The following MTMR8 variants were observed in gnomAD, a reference collection of about 807,000 sequenced individuals.
The protein encoded by MTMR8 is phosphatidylinositol-3,5-bisphosphate 3-phosphatase MTMR8.
A neutral mutation model predicts 39.3 loss-of-function variants in MTMR8; 65 were observed. That is an observed-to-expected ratio of 1.65 (90% CI 1.35 to 2.03). MTMR8 has a LOEUF of 2.03. Among genes scored for constraint, MTMR8 ranks in the 30% most tolerant of loss-of-function variants. MTMR8 has a pLI of 0.00. For synonymous variants in MTMR8, 245 were observed against 185.2 expected (o/e 1.32, Z -2.62); for missense variants, 777 against 538.9 (o/e 1.44, Z -4.37).
At chrX:64,357,327 A>G (rs1260964992) in intron 2 of MTMR8, among the ~76,000 whole-genome samples, 1 of 111,445 alleles carries the variant, frequency 9.0e-6, no homozygotes, top group African/African-American at 3.3e-5. Context: ...CCAGTCCCTA[A>G]TTTCTTTGGA....
At chrX:64,294,271 C>T (rs184003922) in intron 12 of MTMR8, among the ~76,000 whole-genome samples, 96 of 111,598 alleles carry the variant, frequency 8.6e-4, no homozygotes, top group African/African-American at 3.0e-3. Context: ...ATAGACTTGC[C>T]TAACATGCTC....
intron 1 of MTMR8, chrX:64,360,346 G>A: frequency 3.4e-6 from 1 of 296,498 alleles, no homozygotes; most frequent in Admixed American, 3.8e-5. Context: ...AAGTGCACAT[G>A]GATATTTTAA....
intron 1 of MTMR8, among the ~76,000 whole-genome samples, chrX:64,374,117 T>C (rs1924199050): frequency 8.9e-6 from 1 of 111,849 alleles, no homozygotes; most frequent in African/African-American, 3.3e-5. Context: ...ACATTATAAA[T>C]TATAAACTCC....
intron 1 of MTMR8, among the ~76,000 whole-genome samples, chrX:64,384,353 G>A (rs748812216): frequency 2.7e-5 from 3 of 111,298 alleles, no homozygotes; most frequent in Non-Finnish European, 5.7e-5. Context: ...CCATTCTGTG[G>A]TCTAGAGGGT....
chrX:64,359,048 A>G (rs1184506224), intron 2 of MTMR8, among the ~76,000 whole-genome samples: 2 of 111,183 alleles, frequency 1.8e-5, no homozygotes, highest in African/African-American at 6.5e-5. Context: ...CCCATACGCT[A>G]CAGATGCTGC....
Position 64,353,960 on chromosome X carries a change from C to T in MTMR8, c.468+817G>A, listed in dbSNP as rs762187284. 5.4e-5 allele frequency among the ~76,000 whole-genome samples: 6 copies of T among 110,994 alleles called. No individual in the cohort carries two copies. The South Asian group carries it at 2.3e-3, about 42-fold the overall frequency. On this transcript the variant is annotated intron_variant, in intron 4 of 13. Transcript: ENST00000374852. The stretch of plus-strand genomic sequence containing the variant: ...AGAAAAGAAAACTGTGGTACATATG[C>T]ACAATAGAATATAACTCAGTCACAA...
intron 1 of MTMR8, among the ~76,000 whole-genome samples, chrX:64,390,660 CT>C (rs376524501): frequency 1.7e-4 from 18 of 109,001 alleles, no homozygotes; most frequent in Admixed American, 8.8e-4. Context: ...AAAATTCACC[CT>C]TTTTTTTTGA....
chrX:64,337,631 A>T (rs886960118), intron 8 of MTMR8, among the ~76,000 whole-genome samples: 1 of 111,840 alleles, frequency 8.9e-6, no homozygotes, highest in Non-Finnish European at 1.9e-5. Flanking sequence ...ATGCAGGGCA[A>T]AAAGAAAGAT....
At chrX:64,282,340 AAC>A (rs1403232297) in intron 12 of MTMR8, among the ~76,000 whole-genome samples, 1 of 111,297 alleles carries the variant, frequency 9.0e-6, no homozygotes, top group Non-Finnish European at 1.9e-5. Flanking sequence ...GGAGGGGAAC[AAC>A]ACACACTGAG....
intron 1 of MTMR8, among the ~76,000 whole-genome samples, chrX:64,380,372 T>C (rs1924379370): frequency 8.9e-6 from 1 of 112,803 alleles, no homozygotes; most frequent in African/African-American, 3.2e-5. Flanking sequence ...CCAGTGGTAC[T>C]ACCTGGGCTA....
chrX:64,363,470 G>A (rs941876294), intron 1 of MTMR8, among the ~76,000 whole-genome samples: 1 of 111,899 alleles, frequency 8.9e-6, no homozygotes, highest in African/African-American at 3.3e-5. Context: ...AAACATGTGA[G>A]ATGCCTGCTT....
chrX:64,300,828 A>G (rs1236427844), intron 12 of MTMR8, among the ~76,000 whole-genome samples: 1 of 105,849 alleles, frequency 9.4e-6, no homozygotes, highest in African/African-American at 3.4e-5. Flanking sequence ...TTTCTCCTTC[A>G]CTTATGAAGC....
At chrX:64,360,390 CAAAAAAA>C (rs60554048) in intron 1 of MTMR8, 2 of 190,333 alleles carry the variant, frequency 1.1e-5, no homozygotes, top group Non-Finnish European at 1.9e-5. Flanking sequence ...TCAAGCAGAC[CAAAAAAA>C]AAAAAAAAAA....
intron 12 of MTMR8, among the ~76,000 whole-genome samples, chrX:64,313,456 G>T (rs1246747908): frequency 1.8e-5 from 2 of 112,559 alleles, no homozygotes; most frequent in Non-Finnish European, 3.8e-5. Flanking sequence ...GGACTGTTTT[G>T]CTTTCTTATC....
chrX:64,334,831 G>C (rs2147222924), intron 10 of MTMR8, among the ~76,000 whole-genome samples: 1 of 111,752 alleles, frequency 8.9e-6, no homozygotes, highest in East Asian at 2.8e-4. Flanking sequence ...ATTACAGGAA[G>C]CCTTCTTTGC....
intron 1 of MTMR8, among the ~76,000 whole-genome samples, chrX:64,387,358 C>T (rs1184445801): frequency 9.0e-6 from 1 of 111,505 alleles, no homozygotes; most frequent in East Asian, 2.8e-4. Context: ...AGGGCACTAC[C>T]TACCAAACGG....
rs1002968987 is a variant in MTMR8, at chrX:64,361,994, A to G, written c.25-2467T>C. On this transcript the variant is annotated intron_variant, in intron 1 of 13. Coordinates refer to ENST00000374852, the MANE Select transcript of MTMR8 (RefSeq NM_017677.4). The stretch of plus-strand genomic sequence containing the variant: ...GTTCAGCAAGGATACCAAATATAAT[A>G]TCAACCACAAAAGTCAATAACATTT... Among the ~76,000 whole-genome samples the G allele has an allele frequency of 5.4e-5, 6 of 111,212 alleles. No homozygotes were observed. The East Asian group carries it at 1.4e-3, about 26-fold the overall frequency.
chrX:64,328,997 G>A (rs1602133956), intron 11 of MTMR8, 97 bp from the exon 12 acceptor site: 1 of 837,318 alleles, frequency 1.2e-6, no homozygotes, highest in African/African-American at 2.1e-5. Context: ...TTACTAATAA[G>A]TAACCCAGCT....
chrX:64,395,342 TG>T lies in MTMR8; in HGVS notation c.21del (p.Lys8ArgfsTer2). ...CCTCGCTTAACTCTTCTCCTTACCTTGGGTACCGTAATATGATCCATGACTG... is the reference window on the plus strand; with the variant it reads ...CCTCGCTTAACTCTTCTCCTTACCTTGGTACCGTAATATGATCCATGACTG... MDHITVPKVENVKLVDR... is the reference protein window; with the variant it reads MDHITVXKVENVKLVDR... On this transcript the variant is annotated frameshift_variant, in exon 1 of 14. Coordinates refer to ENST00000374852, the MANE Select transcript of MTMR8 (RefSeq NM_017677.4). LOFTEE classifies it high-confidence loss of function. The T allele has an allele frequency of 3.3e-6, 4 of 1,210,496 alleles. No individual in the cohort carries two copies. In the South Asian group the frequency reaches 7.0e-5, roughly 21 times the overall value.
Sources: allele counts gnomAD v4.1 joint callset (sites outside exome capture counted in the v4.1 genomes callset), GRCh38; gene constraint gnomAD v4.1.1; transcripts MANE v1.5; gene names NCBI Gene and HGNC (gene_info 2026-07-23, HGNC 2026-07-21).